The following PPP3CA variants were observed in gnomAD, a reference collection of about 807,000 sequenced individuals.
PPP3CA encodes CAM-PRP catalytic subunit.
Under a neutral mutation model 66.5 loss-of-function variants are expected in PPP3CA, and 14 were observed. That is an observed-to-expected ratio of 0.21 (90% CI 0.14 to 0.33). PPP3CA has a LOEUF of 0.33. PPP3CA is among the 10% of genes least tolerant of loss of function. PPP3CA has a pLI of 1.00. For synonymous variants in PPP3CA, 232 were observed against 226.2 expected, an observed-to-expected ratio of 1.03 and a Z score of -0.23; for missense variants, 317 against 639.5, an observed-to-expected ratio of 0.50 and a Z score of 5.44.
chr4:101,147,046 A>T (rs1722993199), intron 2 of PPP3CA, among the ~76,000 whole-genome samples: 1 of 152,126 alleles, frequency 6.6e-6, no homozygotes, highest in African/African-American at 2.4e-5. Context: ...TCATTTTTCA[A>T]ATTAGAAGAG....
At chr4:101,222,693 C>T (rs1725663251) in intron 1 of PPP3CA, among the ~76,000 whole-genome samples, 1 of 151,616 alleles carries the variant, frequency 6.6e-6, no homozygotes. Context: ...ATATCATTTA[C>T]ATCAAAGATA....
intron 2 of PPP3CA, among the ~76,000 whole-genome samples, chr4:101,155,106 C>A (rs570170583): frequency 1.3e-5 from 2 of 152,118 alleles, no homozygotes; most frequent in East Asian, 3.9e-4. Flanking sequence ...TGAGCCAACG[C>A]GCCCAGCCAT....
At chr4:101,257,235 T>C (rs1010213301) in intron 1 of PPP3CA, among the ~76,000 whole-genome samples, 1 of 151,916 alleles carries the variant, frequency 6.6e-6, no homozygotes, top group Non-Finnish European at 1.5e-5. Context: ...TAAGATATAT[T>C]AAAGTTCCAA....
At chr4:101,027,522 T>C (rs886866066) in intron 13 of PPP3CA, among the ~76,000 whole-genome samples, 2 of 152,184 alleles carry the variant, frequency 1.3e-5, no homozygotes, top group Non-Finnish European at 2.9e-5. Context: ...TTAATTCTTC[T>C]CTAATTTAGT....
At chr4:101,276,387 C>G (rs1727495773) in intron 1 of PPP3CA, among the ~76,000 whole-genome samples, 1 of 152,120 alleles carries the variant, frequency 6.6e-6, no homozygotes, top group Non-Finnish European at 1.5e-5. Context: ...GCATAGGTAT[C>G]AACTTTTTAT....
chr4:101,244,815 G>A (rs574059477), intron 1 of PPP3CA, among the ~76,000 whole-genome samples: 1 of 152,328 alleles, frequency 6.6e-6, no homozygotes, highest in African/African-American at 2.4e-5. Flanking sequence ...AACTGGCACA[G>A]TCAGAGCTCT....
chr4:101,124,949 G>A (rs894123899), intron 2 of PPP3CA, among the ~76,000 whole-genome samples: 1 of 152,124 alleles, frequency 6.6e-6, no homozygotes, highest in African/African-American at 2.4e-5. Context: ...TTTACATCTT[G>A]CTTTCACTTT....
chr4:101,215,112 T>C (rs1408169283), intron 1 of PPP3CA, among the ~76,000 whole-genome samples: 1 of 151,920 alleles, frequency 6.6e-6, no homozygotes, highest in Non-Finnish European at 1.5e-5. Context: ...GAGTGTACCT[T>C]GAGGGAAATT....
Position 101,024,253 on chromosome 4 carries a change from C to T in PPP3CA, c.*1612G>A, listed in dbSNP as rs559131704. On this transcript the variant is annotated 3_prime_UTR_variant, in exon 14 of 14. Coordinates refer to ENST00000394854, the MANE Select transcript of PPP3CA (RefSeq NM_000944.5). ...TCAGCCTGTGATGTGTGGTGGTGGGCCAGCACCTAGAAGACACATGGTGGT... is the reference window on the plus strand; with the variant it reads ...TCAGCCTGTGATGTGTGGTGGTGGGTCAGCACCTAGAAGACACATGGTGGT... 72 of 152,376 alleles carry T rather than the reference C, an allele frequency of 4.7e-4. No homozygotes were observed. The highest frequency in any genetic ancestry group is 1.7e-3 in the African/African-American group (70 of 41,566). The allele number at this position is 152,376 out of a possible 1,614,324, so 9.4% of individuals were successfully genotyped here. A position where few individuals can be genotyped will look rare whatever the true frequency, so the allele number is the denominator to read the frequency against.
At chr4:101,079,158 T>C (rs949187215) in intron 8 of PPP3CA, among the ~76,000 whole-genome samples, 2 of 152,022 alleles carry the variant, frequency 1.3e-5, no homozygotes, top group South Asian at 4.1e-4. Context: ...ATTCAACAGG[T>C]GCTTGGGAAT....
intron 2 of PPP3CA, among the ~76,000 whole-genome samples, chr4:101,192,811 CT>C (rs1228684646): frequency 6.6e-6 from 1 of 152,174 alleles, no homozygotes; most frequent in Non-Finnish European, 1.5e-5. Flanking sequence ...GTAATTATCT[CT>C]TTATGTGTCT....
intron 2 of PPP3CA, among the ~76,000 whole-genome samples, chr4:101,195,011 G>C (rs993846645): frequency 1.8e-4 from 27 of 152,134 alleles, no homozygotes; most frequent in Admixed American, 1.3e-4. Context: ...GGTGGCTTAT[G>C]CCTGTAATCC....
chr4:101,334,800 G>C (rs1472859430), intron 1 of PPP3CA, among the ~76,000 whole-genome samples: 1 of 151,914 alleles, frequency 6.6e-6, no homozygotes, highest in Non-Finnish European at 1.5e-5. Flanking sequence ...GACAGGTCTC[G>C]GCCTTTCTTC....
At chr4:101,141,843 A>C (rs1327997929) in intron 2 of PPP3CA, among the ~76,000 whole-genome samples, 1 of 152,338 alleles carries the variant, frequency 6.6e-6, no homozygotes, top group South Asian at 2.1e-4. Context: ...TGCCTCAAAA[A>C]GTTTCTTAAT....
intron 1 of PPP3CA, among the ~76,000 whole-genome samples, chr4:101,211,848 A>G (rs1725308876): frequency 6.6e-6 from 1 of 152,198 alleles, no homozygotes; most frequent in Non-Finnish European, 1.5e-5. Context: ...TCTACATGCA[A>G]CAAACTGTCA....
chr4:101,319,992 C>G (rs900213924), intron 1 of PPP3CA, among the ~76,000 whole-genome samples: 4 of 151,966 alleles, frequency 2.6e-5, no homozygotes, highest in African/African-American at 9.7e-5. Flanking sequence ...TTGTGTATAC[C>G]TGAATTTCTT....
At chr4:101,100,408 T>C (rs757371282) in intron 3 of PPP3CA, among the ~76,000 whole-genome samples, 1 of 152,166 alleles carries the variant, frequency 6.6e-6, no homozygotes, top group African/African-American at 2.4e-5. Flanking sequence ...ATTTTACTTA[T>C]TAATCATTAA....
At chr4:101,325,583 T>C (rs1369486931) in intron 1 of PPP3CA, among the ~76,000 whole-genome samples, 2 of 152,240 alleles carry the variant, frequency 1.3e-5, no homozygotes, top group Non-Finnish European at 2.9e-5. Flanking sequence ...TGAGGGACTG[T>C]TCCTAACCCA....
intron 1 of PPP3CA, among the ~76,000 whole-genome samples, chr4:101,254,185 G>C (rs1726767532): frequency 6.6e-6 from 1 of 151,944 alleles, no homozygotes; most frequent in Non-Finnish European, 1.5e-5. Flanking sequence ...TAAATGTATT[G>C]GTTTACGTAT....
Sources: gnomAD v4.1 joint callset for allele counts (sites outside exome capture counted in the v4.1 genomes callset) on GRCh38, gnomAD v4.1.1 for gene constraint, MANE v1.5 for transcripts, NCBI Gene and HGNC (gene_info 2026-07-23, HGNC 2026-07-21) for gene names.